The following LPIN1 variants were observed in gnomAD, a reference collection of about 807,000 sequenced individuals.
The protein encoded by LPIN1 is lipin 1.
In LPIN1, 71 loss-of-function variants were observed where a neutral mutation model predicts 107.5. The observed-to-expected ratio is 0.66, with a 90% CI of 0.55 to 0.80. LPIN1 has a LOEUF of 0.80. LPIN1 is among the 30% of genes least tolerant of loss of function. The pLI is 0.00. For synonymous variants in LPIN1, 445 were observed against 452.6 expected, an observed-to-expected ratio of 0.98 and a Z score of 0.21; for missense variants, 1,043 against 1,160.6, an observed-to-expected ratio of 0.90 and a Z score of 1.47.
intron 1 of LPIN1, among the ~76,000 whole-genome samples, chr2:11,731,563 G>A (rs916864525): frequency 1.3e-5 from 2 of 152,192 alleles, no homozygotes; most frequent in African/African-American, 2.4e-5. Context: ...ATAGTAGAAG[G>A]ATTTATAATC....
chr2:11,727,927 A>G (rs2148542341), intron 1 of LPIN1, among the ~76,000 whole-genome samples: 1 of 152,310 alleles, frequency 6.6e-6, no homozygotes, highest in South Asian at 2.1e-4. Context: ...GCAGATGCGG[A>G]GGGCTGACTT....
At chr2:11,784,770 A>T in intron 9 of LPIN1, 116 bp from the exon 10 acceptor site, 1 of 909,884 alleles carries the variant, frequency 1.1e-6, no homozygotes, top group Middle Eastern at 2.1e-4. Flanking sequence ...CTGTGCTGAG[A>T]TGCAGCCGTC....
At chr2:11,691,769 A>T (rs1662283768) in intron 1 of LPIN1, among the ~76,000 whole-genome samples, 2 of 152,270 alleles carry the variant, frequency 1.3e-5, no homozygotes, top group South Asian at 4.1e-4. Context: ...AAGAAAGAAT[A>T]GAGCCAGTGG....
chr2:11,681,050 G>A (rs141856766), intron 1 of LPIN1, among the ~76,000 whole-genome samples: 369 of 152,308 alleles, frequency 2.4e-3, no homozygotes, highest in African/African-American at 8.3e-3. Context: ...GATGGCCTGT[G>A]GTGACAGGCT....
intron 17 of LPIN1, among the ~76,000 whole-genome samples, chr2:11,806,557 T>G (rs915417752): frequency 7.9e-5 from 12 of 151,736 alleles, no homozygotes; most frequent in Admixed American, 7.9e-4. Context: ...ATAGTGAGAT[T>G]CCCCCCCATC....
chr2:11,774,593 G>A lies in LPIN1; in HGVS notation c.722+848G>A, dbSNP rs908391003. 6.6e-6 allele frequency among the ~76,000 whole-genome samples: 1 copy of A among 152,122 alleles called. No homozygotes were observed. The highest frequency in any genetic ancestry group is 1.5e-5 in the Non-Finnish European group (1 of 68,032). On this transcript the variant is annotated intron_variant, in intron 5 of 20. Transcript: ENST00000674199. The surrounding 1 kb of genome is among the most constrained non-coding windows in gnomAD (Gnocchi z 4.4). ...TGCCAGTGACATCCTTGGGTTATTCGTATACCTCATGCTTTAGATTCGCTT... is the reference window on the plus strand; with the variant it reads ...TGCCAGTGACATCCTTGGGTTATTCATATACCTCATGCTTTAGATTCGCTT...
upstream of LPIN1, chr2:11,746,625 G>T (rs969246281): frequency 2.0e-6 from 2 of 985,390 alleles, no homozygotes; most frequent in South Asian, 4.7e-5. Flanking sequence ...AGCCGGCGGC[G>T]GGCTGGGTGT....
At chr2:11,782,082 G>T (rs973986251) in intron 7 of LPIN1, 119 bp from the exon 8 acceptor site, 50 of 786,336 alleles carry the variant, frequency 6.4e-5, no homozygotes, top group Non-Finnish European at 1.1e-5. Context: ...GGTGATTGTT[G>T]AGGCTTAAAA....
At chr2:11,720,818 T>C (rs1388108266), upstream of LPIN1, among the ~76,000 whole-genome samples, 1 of 151,934 alleles carries the variant, frequency 6.6e-6, no homozygotes, top group African/African-American at 2.4e-5. Flanking sequence ...CTGATCCAGC[T>C]GTCTCCCGAG....
At chr2:11,794,836 G>A (rs1676391391) in intron 13 of LPIN1, among the ~76,000 whole-genome samples, 1 of 152,164 alleles carries the variant, frequency 6.6e-6, no homozygotes, top group Admixed American at 6.5e-5. Flanking sequence ...AGATGAGGAA[G>A]CGAAGTTCTG....
In LPIN1 at chr2:11,760,646, G is replaced by T. The variant is rs993106599; in HGVS notation, c.-9-4887G>T. On this transcript the variant is annotated intron_variant, in intron 1 of 20. Transcript: ENST00000674199. The stretch of plus-strand genomic sequence containing the variant: ...GATGGCGGCAGTGCAGTCCAGCTTC[G>T]GCTCGGCATCAGAGGGAGACCGTGG... Among the ~76,000 whole-genome samples the T allele has an allele frequency of 2.6e-4, 39 of 152,154 alleles. 1 individual carries two copies. Among genetic ancestry groups the T allele is most frequent in the Non-Finnish European group, 2.5e-4 (17 of 68,024 alleles).
chr2:11,760,357 C>G (rs1669599088), intron 1 of LPIN1, among the ~76,000 whole-genome samples: 1 of 152,230 alleles, frequency 6.6e-6, no homozygotes, highest in African/African-American at 2.4e-5. Context: ...TTGTAGCGAG[C>G]CGAGATCACG....
At chr2:11,754,176 T>C (rs1668317868) in intron 1 of LPIN1, among the ~76,000 whole-genome samples, 1 of 152,184 alleles carries the variant, frequency 6.6e-6, no homozygotes, top group East Asian at 1.9e-4. Context: ...GCCAGGTCTG[T>C]ATCTGAGAGC....
At chr2:11,688,541 C>A (rs1387586254) in intron 1 of LPIN1, among the ~76,000 whole-genome samples, 1 of 152,170 alleles carries the variant, frequency 6.6e-6, no homozygotes, top group Non-Finnish European at 1.5e-5. Context: ...TGCAGCCCTT[C>A]GCAGAAACAT....
In LPIN1 at chr2:11,824,699, T is replaced by C. The variant is rs1215742845; in HGVS notation, c.2689T>C (p.Phe897Leu). The C allele has an allele frequency of 3.7e-6, 6 of 1,614,196 alleles. No homozygotes were observed. Among genetic ancestry groups the C allele is most frequent in the Non-Finnish European group, 5.1e-6 (6 of 1,180,038 alleles). ...PLLKRSHSSD[F>L]PCSDTFSNFT... ...GCTGAAAAGAAGCCATTCTTCAGAC[T>C]TTCCCTGTTCGGATACCTTCAGTAA... Residue 897 changes from phenylalanine (F) to leucine (L), a missense_variant, in exon 21 of 21, where the codon TTT becomes CTT. Physicochemically the swap from Phe to Leu is conservative, Grantham distance 22. Coordinates refer to ENST00000674199, the MANE Select transcript of LPIN1 (RefSeq NM_001349206.2).
chr2:11,737,475 A>G (rs572541904), intron 1 of LPIN1, among the ~76,000 whole-genome samples: 1 of 152,344 alleles, frequency 6.6e-6, no homozygotes, highest in Non-Finnish European at 1.5e-5. Flanking sequence ...AAATTTTTGC[A>G]GTCTACCCAC....
In LPIN1 at chr2:11,724,420, G is replaced by C. The variant is rs996799212; in HGVS notation, c.-191G>C. The C allele has an allele frequency of 3.0e-6, 3 of 985,972 alleles. No homozygotes were observed. The Admixed American group carries it at 1.8e-4, about 61-fold the overall frequency. The allele number at this position is 985,972 out of a possible 1,614,324, so 61.1% of individuals were successfully genotyped here. A position where few individuals can be genotyped will look rare whatever the true frequency, so the allele number is the denominator to read the frequency against. On this transcript the variant is annotated 5_prime_UTR_variant, in exon 1 of 22. Coordinates refer to the LPIN1 transcript ENST00000396097. ...CTGAGGGAAGGAACAGGAGGGAAGA[G>C]AGATGAAGGGCAAGACCGGGGCCAG...
intron 12 of LPIN1, among the ~76,000 whole-genome samples, chr2:11,790,286 GGT>G (rs1047934519): frequency 3.9e-4 from 59 of 152,306 alleles, no homozygotes; most frequent in African/African-American, 1.4e-3. Flanking sequence ...GGATCTTAGA[GGT>G]TGGCAGTTTC....
intron 13 of LPIN1, among the ~76,000 whole-genome samples, chr2:11,794,546 A>G (rs1202956595): frequency 6.6e-6 from 1 of 152,232 alleles, no homozygotes; most frequent in Non-Finnish European, 1.5e-5. Flanking sequence ...AGTTCATGCT[A>G]GTCATATGTT....
Sources: gnomAD v4.1 joint callset for allele counts (sites outside exome capture counted in the v4.1 genomes callset) on GRCh38, gnomAD v4.1.1 for gene constraint, Gnocchi (gnomAD v3.1) non-coding constraint, MANE v1.5 for transcripts, NCBI Gene and HGNC (gene_info 2026-07-23, HGNC 2026-07-21) for gene names.